SH3RF3: variants seen among roughly 807,000 people sequenced by gnomAD.
The protein encoded by SH3RF3 is E3 ubiquitin-protein ligase SH3RF3.
SH3RF3 carries 29 observed loss-of-function variants against 66.3 expected under a neutral mutation model. The observed-to-expected ratio is 0.44, with a 90% CI of 0.33 to 0.60. The LOEUF is 0.60. Among genes scored for constraint, SH3RF3 ranks in the 20% least tolerant of loss-of-function variants. SH3RF3 has a pLI of 0.04. For missense variants in SH3RF3, 1,194 were observed against 1,190.9 expected (o/e 1.00, Z -0.04); for synonymous variants, 583 against 532.0 (o/e 1.10, Z -1.32).
intron 1 of SH3RF3, among the ~76,000 whole-genome samples, chr2:109,181,758 A>G (rs1574490663): frequency 6.6e-6 from 1 of 152,120 alleles, no homozygotes; most frequent in African/African-American, 2.4e-5. Flanking sequence ...GCTAGGTTCC[A>G]TCTGTCTCCC....
intron 1 of SH3RF3, among the ~76,000 whole-genome samples, chr2:109,145,008 A>G (rs761949519): frequency 6.6e-6 from 1 of 152,236 alleles, no homozygotes; most frequent in Non-Finnish European, 1.5e-5. Flanking sequence ...GGTGTGGCAT[A>G]AGAAACTCAG....
chr2:109,278,600 A>G (rs1680814645), intron 1 of SH3RF3, among the ~76,000 whole-genome samples: 1 of 152,206 alleles, frequency 6.6e-6, no homozygotes, highest in Non-Finnish European at 1.5e-5. Flanking sequence ...CATATAGGAT[A>G]AGCACCTGCT....
At chr2:109,445,826 G>T (rs1435027005) in intron 7 of SH3RF3, among the ~76,000 whole-genome samples, 1 of 152,020 alleles carries the variant, frequency 6.6e-6, no homozygotes, top group Non-Finnish European at 1.5e-5. Context: ...CTGAAAATAA[G>T]GAAAGGACAA....
chr2:109,453,243 C>T (rs1677939004), intron 8 of SH3RF3, among the ~76,000 whole-genome samples: 1 of 152,208 alleles, frequency 6.6e-6, no homozygotes, highest in Non-Finnish European at 1.5e-5. Flanking sequence ...TCTCTTCCTG[C>T]CCACCTGCCT....
intron 1 of SH3RF3, among the ~76,000 whole-genome samples, chr2:109,172,899 T>C (rs941599059): frequency 1.3e-5 from 2 of 152,242 alleles, no homozygotes; most frequent in African/African-American, 4.8e-5. Flanking sequence ...AACGTGCATG[T>C]TCAAAGCAAT....
intron 4 of SH3RF3, among the ~76,000 whole-genome samples, chr2:109,407,451 G>C (rs1020973787): frequency 1.3e-5 from 2 of 152,196 alleles, no homozygotes; most frequent in Non-Finnish European, 2.9e-5. Context: ...GTGTTGGCTG[G>C]GTCTTATTAT....
intron 1 of SH3RF3, among the ~76,000 whole-genome samples, chr2:109,297,731 C>T (rs1206213393): frequency 2.0e-5 from 3 of 151,746 alleles, no homozygotes; most frequent in African/African-American, 7.3e-5. Flanking sequence ...GTCCGTGCCT[C>T]CCACCAGGAC....
At chr2:109,474,762 C>T (rs928632029) in intron 8 of SH3RF3, among the ~76,000 whole-genome samples, 2 of 152,194 alleles carry the variant, frequency 1.3e-5, no homozygotes, top group African/African-American at 4.8e-5. Flanking sequence ...TCCAGTGATC[C>T]GAGGCCCTGC....
rs183167613 is a variant in SH3RF3, at chr2:109,455,264, G to A, written c.2148+5775G>A. ...GAGACCATGAGGCTGGCCTTGGGGG[G>A]AGAAAGGGCCCTAGGTGTCTGCCTT... On this transcript the variant is annotated intron_variant, in intron 8 of 9. Coordinates refer to ENST00000309415, the MANE Select transcript of SH3RF3 (RefSeq NM_001099289.3). Among the ~76,000 whole-genome samples the A allele has an allele frequency of 5.3e-4, 81 of 152,282 alleles. No individual in the cohort carries two copies. In the East Asian group the frequency reaches 0.015, roughly 28 times the overall value.
intron 1 of SH3RF3, among the ~76,000 whole-genome samples, chr2:109,211,299 A>T (rs1196834734): frequency 6.6e-6 from 1 of 152,228 alleles, no homozygotes; most frequent in Non-Finnish European, 1.5e-5. Context: ...CATTGGTTAC[A>T]AGCCTGGATT....
At position 109,132,733 on chromosome 2, in the gene SH3RF3, G is replaced by C. The variant is rs1295936688; in HGVS notation, c.573+2620G>C. Among the ~76,000 whole-genome samples, 11 of 152,318 alleles carry C rather than the reference G, an allele frequency of 7.2e-5. No individual in the cohort carries two copies. The East Asian group carries it at 2.1e-3, about 29-fold the overall frequency. On this transcript the variant is annotated intron_variant, in intron 1 of 9. Coordinates refer to ENST00000309415, the MANE Select transcript of SH3RF3 (RefSeq NM_001099289.3). The stretch of plus-strand genomic sequence containing the variant: ...CTGTCTAACCCTTGCAGTTGCTAAT[G>C]TATGCTAAATTTCTCAGGCTAACTT...
chr2:109,430,992 C>G (rs776020120), intron 5 of SH3RF3, among the ~76,000 whole-genome samples: 3 of 152,124 alleles, frequency 2.0e-5, no homozygotes, highest in Non-Finnish European at 4.4e-5. Flanking sequence ...TTAGGATGTT[C>G]GAAAAGGGGG....
rs897280931 is a variant in SH3RF3, at chr2:109,130,091, G to C, written c.551G>C (p.Ser184Thr). ...GGCAGTCTGCGGGAGCTGGCGACCA[G>C]CAGGACCGCGCCGGCGGCAAAGGTG... is the stretch of plus-strand genomic sequence containing the variant. Reference protein sequence around the residue: ...TAGSLRELATSRTAPAAKNPC... With the variant: ...TAGSLRELATTRTAPAAKNPC... The change falls in exon 1 of 10, where the codon AGC becomes ACC. Residue 184 changes from serine to threonine, a missense_variant. Physicochemically the swap from Ser to Thr is moderately conservative, Grantham distance 58. Transcript: ENST00000309415. 9.6e-6 allele frequency: 13 copies of C among 1,353,680 alleles called. No homozygotes were observed. Among genetic ancestry groups the C allele is most frequent in the Non-Finnish European group, 1.2e-5 (13 of 1,055,656 alleles). 83.9% of individuals were successfully genotyped at this position (1,353,680 alleles called of 1,614,324 possible). A position where few individuals can be genotyped will look rare whatever the true frequency, so the allele number is the denominator to read the frequency against.
chr2:109,468,000 G>A (rs1007971791), intron 8 of SH3RF3, among the ~76,000 whole-genome samples: 1 of 152,220 alleles, frequency 6.6e-6, no homozygotes, highest in African/African-American at 2.4e-5. Context: ...TCCTCAGAGC[G>A]GAAAACATTT....
intron 7 of SH3RF3, among the ~76,000 whole-genome samples, chr2:109,442,469 C>A (rs753804403): frequency 6.6e-6 from 1 of 152,042 alleles, no homozygotes; most frequent in Non-Finnish European, 1.5e-5. Flanking sequence ...AAGATGTTTT[C>A]TTATTATTTG....
At chr2:109,133,860 G>A (rs1401135458) in intron 1 of SH3RF3, among the ~76,000 whole-genome samples, 1 of 152,084 alleles carries the variant, frequency 6.6e-6, no homozygotes, top group Non-Finnish European at 1.5e-5. Context: ...ATAAGCACAG[G>A]CTTCCCCAGG....
chr2:109,236,298 A>G (rs985051835), intron 1 of SH3RF3, among the ~76,000 whole-genome samples: 2 of 152,186 alleles, frequency 1.3e-5, no homozygotes, highest in Non-Finnish European at 1.5e-5. Context: ...TTCTGCATGC[A>G]GTGTCGGGGC....
In SH3RF3 at chr2:109,324,928, C is replaced by T. The variant is rs184096279; in HGVS notation, c.574-22746C>T. The stretch of plus-strand genomic sequence containing the variant: ...GCTTCCCCAAACCCTCTCCTCTTGC[C>T]ATTCCTATACAGTAATGACTAGTAT... On this transcript the variant is annotated intron_variant, in intron 1 of 9. Coordinates refer to ENST00000309415, the MANE Select transcript of SH3RF3 (RefSeq NM_001099289.3). Among the ~76,000 whole-genome samples, 13 of 152,336 alleles carry T rather than the reference C, an allele frequency of 8.5e-5. No individual in the cohort carries two copies. The East Asian group carries it at 2.1e-3, about 25-fold the overall frequency.
At position 109,217,543 on chromosome 2, in the gene SH3RF3, A is replaced by T. The variant is rs566482434; in HGVS notation, c.573+87430A>T. Among the ~76,000 whole-genome samples the T allele has an allele frequency of 1.2e-4, 19 of 152,330 alleles. No homozygotes were observed. The East Asian group carries it at 3.3e-3, about 26-fold the overall frequency. On this transcript the variant is annotated intron_variant, in intron 1 of 9. Coordinates refer to ENST00000309415, the MANE Select transcript of SH3RF3 (RefSeq NM_001099289.3). ...TCCCCAGACTTCAAGTATCTTTAGA[A>T]TGTTGAGCTTCCGGCAGATTTTTCT...
Sources: gnomAD v4.1 joint callset for allele counts (sites outside exome capture counted in the v4.1 genomes callset) on GRCh38, gnomAD v4.1.1 for gene constraint, MANE v1.5 for transcripts, NCBI Gene and HGNC (gene_info 2026-07-23, HGNC 2026-07-21) for gene names.